The following ARHGAP6 variants were observed in gnomAD, a reference collection of about 807,000 sequenced individuals.
The protein encoded by ARHGAP6 is Rho GTPase activating protein 6.
ARHGAP6 carries 16 observed loss-of-function variants against 55.7 expected under a neutral mutation model. The observed-to-expected ratio is 0.29, with a 90% CI of 0.19 to 0.44. ARHGAP6 has a LOEUF of 0.44. Ranked by LOEUF, ARHGAP6 falls within the 20% of genes least tolerant of loss-of-function variation. ARHGAP6 has a pLI of 1.00. For missense variants in ARHGAP6, 698 were observed against 808.9 expected, an observed-to-expected ratio of 0.86 and a Z score of 1.66; for synonymous variants, 382 against 360.9, an observed-to-expected ratio of 1.06 and a Z score of -0.66.
At chrX:11,406,572 C>T (rs1043380030) in intron 1 of ARHGAP6, among the ~76,000 whole-genome samples, 7 of 111,197 alleles carry the variant, frequency 6.3e-5, no homozygotes, top group Non-Finnish European at 9.4e-5. Context: ...GATTATGGTA[C>T]ATTCACCCAC....
chrX:11,354,164 T>C (rs1440323579), intron 1 of ARHGAP6, among the ~76,000 whole-genome samples: 1 of 108,316 alleles, frequency 9.2e-6, no homozygotes, highest in Non-Finnish European at 1.9e-5. Flanking sequence ...ATGTCTAAAC[T>C]AGTTAGGGTC....
chrX:11,475,685 C>T (rs12013260), intron 1 of ARHGAP6, among the ~76,000 whole-genome samples: 2,224 of 107,401 alleles, frequency 0.021, 28 homozygotes, highest in Middle Eastern at 0.062. Flanking sequence ...AATATCTTTT[C>T]GACTTTGAGG....
chrX:11,229,518 A>T (rs1408230264), intron 2 of ARHGAP6, among the ~76,000 whole-genome samples: 2 of 112,106 alleles, frequency 1.8e-5, no homozygotes, highest in Non-Finnish European at 3.8e-5. Context: ...TAAGTTTAGT[A>T]TTTGTGGAGT....
chrX:11,288,460 C>T (rs1272217827), intron 1 of ARHGAP6, among the ~76,000 whole-genome samples: 1 of 111,403 alleles, frequency 9.0e-6, no homozygotes, highest in East Asian at 2.8e-4. Flanking sequence ...TTTTGAGGGC[C>T]GATATCATAC....
At chrX:11,572,396 T>A (rs924321896) in intron 1 of ARHGAP6, among the ~76,000 whole-genome samples, 2 of 109,687 alleles carry the variant, frequency 1.8e-5, no homozygotes, top group African/African-American at 3.3e-5. Context: ...TGTCCATGTG[T>A]TCTCATTGTT....
At chrX:11,532,517 T>G (rs1440085154) in intron 1 of ARHGAP6, among the ~76,000 whole-genome samples, 1 of 112,400 alleles carries the variant, frequency 8.9e-6, no homozygotes, top group Non-Finnish European at 1.9e-5. Context: ...AAACTTCCCA[T>G]GCAAGATCCT....
chrX:11,603,078 G>A (rs1417333388), intron 1 of ARHGAP6, among the ~76,000 whole-genome samples: 3 of 112,200 alleles, frequency 2.7e-5, no homozygotes, highest in Non-Finnish European at 5.6e-5. Flanking sequence ...ATGTGCTCCA[G>A]AAAGGGCCAT....
intron 1 of ARHGAP6, among the ~76,000 whole-genome samples, chrX:11,562,519 A>G (rs1026668067): frequency 3.6e-5 from 4 of 112,099 alleles, no homozygotes; most frequent in Middle Eastern, 4.2e-3. Flanking sequence ...TAAAAATGAA[A>G]ATAACTTTAT....
chrX:11,304,084 C>T (rs1045891885), intron 1 of ARHGAP6, among the ~76,000 whole-genome samples: 2 of 110,237 alleles, frequency 1.8e-5, no homozygotes, highest in Non-Finnish European at 3.8e-5. Context: ...CACTGAAGTA[C>T]ATCACGTTTG....
chrX:11,371,604 G>A (rs2049144816), intron 1 of ARHGAP6, among the ~76,000 whole-genome samples: 1 of 111,789 alleles, frequency 8.9e-6, no homozygotes, highest in Non-Finnish European at 1.9e-5. Flanking sequence ...GAGAGATTTG[G>A]AATAAAAATT....
chrX:11,472,499 C>T (rs778128881), intron 1 of ARHGAP6, among the ~76,000 whole-genome samples: 17 of 111,133 alleles, frequency 1.5e-4, no homozygotes, highest in Non-Finnish European at 3.0e-4. Flanking sequence ...GTGGGAACAG[C>T]GGGTGAAAAG....
chrX:11,491,944 T>C (rs1392520984), intron 1 of ARHGAP6, among the ~76,000 whole-genome samples: 2 of 108,304 alleles, frequency 1.8e-5, no homozygotes, highest in Non-Finnish European at 3.8e-5. Context: ...TGGTTTTGAT[T>C]TGCATTTCTC....
At chrX:11,449,680 T>C (rs2050125542) in intron 1 of ARHGAP6, among the ~76,000 whole-genome samples, 1 of 112,419 alleles carries the variant, frequency 8.9e-6, no homozygotes, top group Non-Finnish European at 1.9e-5. Context: ...TCCTGATTTT[T>C]AGATCTGCAT....
chrX:11,171,913 A>G (rs1239508901), intron 8 of ARHGAP6, among the ~76,000 whole-genome samples: 2 of 111,853 alleles, frequency 1.8e-5, no homozygotes, highest in Non-Finnish European at 3.8e-5. Flanking sequence ...GTGGGGTAAA[A>G]TTGCTCCTGG....
intron 1 of ARHGAP6, among the ~76,000 whole-genome samples, chrX:11,275,753 C>G (rs1211797645): frequency 1.8e-5 from 2 of 111,656 alleles, no homozygotes; most frequent in African/African-American, 6.5e-5. Context: ...CTTCACATCC[C>G]TTAATTTCAG....
At chrX:11,660,751 T>C (rs955382917) in intron 1 of ARHGAP6, among the ~76,000 whole-genome samples, 18 of 109,813 alleles carry the variant, frequency 1.6e-4, no homozygotes, top group African/African-American at 6.0e-4. Context: ...CCAACACCTC[T>C]GCGCCTTTGC....
intron 1 of ARHGAP6, among the ~76,000 whole-genome samples, chrX:11,578,019 T>A (rs1392835697): frequency 1.8e-5 from 2 of 110,527 alleles, no homozygotes; most frequent in East Asian, 5.6e-4. Context: ...TACTTAAATT[T>A]TGAAGGAAAA....
chrX:11,493,845 T>TG (rs1482634755), intron 1 of ARHGAP6, among the ~76,000 whole-genome samples: 2 of 105,943 alleles, frequency 1.9e-5, no homozygotes, highest in East Asian at 6.0e-4. Flanking sequence ...CTTTTTTTTT[T>TG]TTTTTTTGAG....
chrX:11,439,080 G>T (rs1166186271), intron 1 of ARHGAP6, among the ~76,000 whole-genome samples: 5 of 112,328 alleles, frequency 4.5e-5, no homozygotes, highest in African/African-American at 1.6e-4. Context: ...CGAGAGCACA[G>T]AGCATTCTAG....
Sources: allele counts gnomAD v4.1 joint callset (sites outside exome capture counted in the v4.1 genomes callset), GRCh38; gene constraint gnomAD v4.1.1; transcripts MANE v1.5; gene names NCBI Gene and HGNC (gene_info 2026-07-23, HGNC 2026-07-21).